Variants in FRYL observed in about 807,000 individuals in gnomAD.
The protein encoded by FRYL is protein furry homolog-like.
In FRYL, 150 loss-of-function variants were observed where a neutral mutation model predicts 351.2. That is an observed-to-expected ratio of 0.43 (90% confidence interval 0.37 to 0.49). The LOEUF (loss-of-function observed/expected upper bound fraction) is 0.49, where lower values mean the gene tolerates loss of function less well. FRYL is among the 20% of genes least tolerant of loss of function. The pLI is 0.00. For synonymous variants in FRYL, 1,153 were observed against 1,257.1 expected, an observed-to-expected ratio of 0.92 and a Z score of 1.75; for missense variants, 3,036 against 3,619.3, an observed-to-expected ratio of 0.84 and a Z score of 4.13.
chr4:48,504,897 A>C (rs1412572014), intron 60 of FRYL, among the ~76,000 whole-genome samples: 3 of 152,154 alleles, frequency 2.0e-5, no homozygotes, highest in Non-Finnish European at 4.4e-5. Flanking sequence ...AATCTGTAAT[A>C]ATATAACCAA....
chr4:48,620,564 C>T lies in FRYL; in HGVS notation c.314+75G>A, dbSNP rs986072058. The T allele has an allele frequency of 5.6e-6, 8 of 1,437,954 alleles. No homozygotes were observed. The African/African-American group carries it at 8.5e-5, about 15-fold the overall frequency. The allele number at this position is 1,437,954 out of a possible 1,614,324, so 89.1% of individuals were successfully genotyped here. ...TGCTTAGGAATCAAACAATAACAACCTTCAGTTGATAATATCACCCCTTCA... is the reference window on the plus strand; with the variant it reads ...TGCTTAGGAATCAAACAATAACAACTTTCAGTTGATAATATCACCCCTTCA... On this transcript the variant is annotated intron_variant, in intron 6 of 63. Coordinates refer to ENST00000358350, the MANE Select transcript of FRYL (RefSeq NM_015030.2).
chr4:48,742,493 A>G (rs1772207347), intron 1 of FRYL, among the ~76,000 whole-genome samples: 1 of 152,052 alleles, frequency 6.6e-6, no homozygotes, highest in South Asian at 2.1e-4. Flanking sequence ...TTTTCTATCT[A>G]TACTCCAACT....
Position 48,596,027 on chromosome 4 carries a change from T to C in FRYL, c.1036-27A>G, listed in dbSNP as rs750489560. 19 of 1,417,874 alleles carry C rather than the reference T, an allele frequency of 1.3e-5. No individual in the cohort carries two copies. The Middle Eastern group carries it at 7.2e-4, about 53-fold the overall frequency. 87.8% of individuals were successfully genotyped at this position (1,417,874 alleles called of 1,614,324 possible). ...TGTTTTAAAACAAAAGAGAATAAAC[T>C]TATTATAATACTTGCAATCACTTAA... On this transcript the variant is annotated intron_variant, in intron 13 of 63. Coordinates refer to ENST00000358350, the MANE Select transcript of FRYL (RefSeq NM_015030.2).
intron 1 of FRYL, among the ~76,000 whole-genome samples, chr4:48,746,815 T>C (rs1195249390): frequency 1.3e-5 from 2 of 152,068 alleles, no homozygotes; most frequent in Admixed American, 6.5e-5. Context: ...AAGAGACACT[T>C]AGAAAAGTCC....
intron 13 of FRYL, among the ~76,000 whole-genome samples, chr4:48,600,264 G>A (rs1420443263): frequency 6.6e-6 from 1 of 152,096 alleles, no homozygotes. Context: ...AACTAGCATA[G>A]TTTTTCCTTC....
chr4:48,517,426 C>G (rs1424574161), intron 55 of FRYL, among the ~76,000 whole-genome samples: 1 of 152,076 alleles, frequency 6.6e-6, no homozygotes, highest in Non-Finnish European at 1.5e-5. Flanking sequence ...TCTAGTAATG[C>G]CTACATATCA....
At chr4:48,617,417 T>G (rs987246595) in intron 7 of FRYL, among the ~76,000 whole-genome samples, 1 of 151,238 alleles carries the variant, frequency 6.6e-6, no homozygotes, top group Non-Finnish European at 1.5e-5. Flanking sequence ...GGTGCAGTCA[T>G]AGCTAACTGT....
At chr4:48,531,981 T>C (rs1481525914) in intron 49 of FRYL, among the ~76,000 whole-genome samples, 1 of 152,182 alleles carries the variant, frequency 6.6e-6, no homozygotes, top group Non-Finnish European at 1.5e-5. Context: ...GTCTTAGTTT[T>C]GTATATTCCT....
intron 3 of FRYL, among the ~76,000 whole-genome samples, chr4:48,673,969 T>C (rs945572817): frequency 1.1e-4 from 17 of 152,376 alleles, no homozygotes; most frequent in Admixed American, 6.5e-4. Flanking sequence ...GTCCAGAATA[T>C]AGAAGGTGCT....
intron 54 of FRYL, among the ~76,000 whole-genome samples, chr4:48,522,013 C>T (rs1725018984): frequency 6.6e-6 from 1 of 152,136 alleles, no homozygotes. Flanking sequence ...TGCGGTGGCT[C>T]ATGCCTGTGA....
intron 19 of FRYL, among the ~76,000 whole-genome samples, chr4:48,583,122 A>G (rs963504747): frequency 2.0e-5 from 3 of 151,778 alleles, no homozygotes; most frequent in Admixed American, 6.6e-5. Context: ...AATCTTTACT[A>G]TCACTGGCAA....
chr4:48,500,515 G>A (rs191917631), intron 62 of FRYL, among the ~76,000 whole-genome samples: 10 of 152,260 alleles, frequency 6.6e-5, no homozygotes, highest in Admixed American at 5.9e-4. Context: ...TACATTTACT[G>A]TTATGGGGGA....
intron 7 of FRYL, among the ~76,000 whole-genome samples, chr4:48,613,331 A>C (rs1748638874): frequency 5.9e-5 from 9 of 152,202 alleles, no homozygotes; most frequent in Admixed American, 5.9e-4. Context: ...AGGGATGCTC[A>C]ACCTGTATAT....
rs1766655323 is a variant in FRYL, at chr4:48,700,932, A to AT, written c.-204+9586dup. On this transcript the variant is annotated intron_variant, in intron 2 of 63. Coordinates refer to ENST00000358350, the MANE Select transcript of FRYL (RefSeq NM_015030.2). ...TTGCCCTAGTTACTGTTTCAAAGTAATTTTTAAAAAAAACTTAAAATCACA... is the reference window on the plus strand; with the variant it reads ...TTGCCCTAGTTACTGTTTCAAAGTAATTTTTTAAAAAAAACTTAAAATCACA... 2.6e-5 allele frequency among the ~76,000 whole-genome samples: 4 copies of AT among 152,090 alleles called. No individual in the cohort carries two copies. The South Asian group carries it at 6.2e-4, about 24-fold the overall frequency.
rs148917572 is a variant in FRYL at position 48,763,604 on chromosome 4, G to A, written c.-384+16474C>T. Among the ~76,000 whole-genome samples, 274 of 152,220 alleles carry A rather than the reference G, an allele frequency of 1.8e-3. 2 individuals carry two copies. The highest frequency in any genetic ancestry group is 5.9e-3 in the African/African-American group (247 of 41,528). On this transcript the variant is annotated intron_variant, in intron 1 of 63. Transcript: ENST00000358350. ...GGCAATGAGTAAAGAAAATCCTAGA[G>A]GATTACATGTATTTGTTATCTTAAA...
chr4:48,711,339 G>A (rs1578795250), intron 1 of FRYL, among the ~76,000 whole-genome samples: 1 of 152,382 alleles, frequency 6.6e-6, no homozygotes, highest in African/African-American at 2.4e-5. Context: ...ATGGCACCTG[G>A]AAAATCAGGT....
At chr4:48,733,008 G>T (rs1770907733) in intron 1 of FRYL, among the ~76,000 whole-genome samples, 1 of 152,022 alleles carries the variant, frequency 6.6e-6, no homozygotes, top group Non-Finnish European at 1.5e-5. Context: ...GGGTGTGGTG[G>T]CTCATGCCTG....
intron 27 of FRYL, among the ~76,000 whole-genome samples, chr4:48,568,653 T>C (rs1247670878): frequency 3.3e-5 from 5 of 152,186 alleles, no homozygotes; most frequent in Non-Finnish European, 7.3e-5. Flanking sequence ...GTGGCAATGG[T>C]ACTACAGTAT....
chr4:48,691,371 A>C (rs1765661971), intron 2 of FRYL, among the ~76,000 whole-genome samples: 1 of 152,166 alleles, frequency 6.6e-6, no homozygotes, highest in African/African-American at 2.4e-5. Context: ...CACATTCCTA[A>C]GATGAAATGT....
Sources: allele counts gnomAD v4.1 joint callset (sites outside exome capture counted in the v4.1 genomes callset), GRCh38; gene constraint gnomAD v4.1.1; transcripts MANE v1.5; gene names NCBI Gene and HGNC (gene_info 2026-07-23, HGNC 2026-07-21).